Variants in RAB3IP observed in about 807,000 individuals in gnomAD.
The protein encoded by RAB3IP is rab-3A-interacting protein.
In RAB3IP, 36 loss-of-function variants were observed where a neutral mutation model predicts 59.1. That is an observed-to-expected ratio of 0.61 (90% CI 0.47 to 0.80). RAB3IP has a LOEUF of 0.80. Among genes scored for constraint, RAB3IP ranks in the 30% least tolerant of loss-of-function variants. The pLI is 0.00. For synonymous variants in RAB3IP, 207 were observed against 191.2 expected (o/e 1.08, Z -0.68); for missense variants, 511 against 536.0 (o/e 0.95, Z 0.46).
intron 4 of RAB3IP, among the ~76,000 whole-genome samples, chr12:69,789,516 A>G (rs1876263599): frequency 6.6e-6 from 1 of 152,154 alleles, no homozygotes; most frequent in Non-Finnish European, 1.5e-5. Context: ...CAACATTCAA[A>G]GAAGAATCAG....
rs1881858842 is a variant in RAB3IP, at chr12:69,822,534, G to T, written c.*7088G>T. ...TAGCAGAGGCTGGGAAGGGTAATGGGGGTTGGGGGGTGGGAGGATAAAGGG... is the reference window on the plus strand; with the variant it reads ...TAGCAGAGGCTGGGAAGGGTAATGGTGGTTGGGGGGTGGGAGGATAAAGGG... On this transcript the variant is annotated 3_prime_UTR_variant, in exon 11 of 11. Coordinates refer to ENST00000247833, the MANE Select transcript of RAB3IP (RefSeq NM_022456.5). 1 of 152,082 alleles carries T rather than the reference G, an allele frequency of 6.6e-6. No homozygotes were observed. Among genetic ancestry groups the T allele is most frequent in the African/African-American group, 2.4e-5 (1 of 41,396 alleles). 9.4% of individuals were successfully genotyped at this position (152,082 alleles called of 1,614,324 possible). A position where few individuals can be genotyped will look rare whatever the true frequency, so the allele number is the denominator to read the frequency against.
intron 1 of RAB3IP, chr12:69,739,842 T>C: frequency 6.2e-7 from 1 of 1,613,990 alleles, no homozygotes. Flanking sequence ...GAGTTGCCGG[T>C]TGTTATGGGA....
intron 1 of RAB3IP, among the ~76,000 whole-genome samples, chr12:69,745,499 G>A (rs1003891557): frequency 6.6e-6 from 1 of 151,862 alleles, no homozygotes; most frequent in Non-Finnish European, 1.5e-5. Flanking sequence ...CAAAACAGAG[G>A]AGGAAATGAT....
chr12:69,756,808 C>A, intron 3 of RAB3IP, 145 bp downstream of exon 3: 1 of 690,218 alleles, frequency 1.4e-6, no homozygotes, highest in Non-Finnish European at 2.4e-6. Context: ...TGTTAGGCAG[C>A]ATTTAGGAAT....
chr12:69,749,434 T>C (rs923984152), intron 1 of RAB3IP, among the ~76,000 whole-genome samples: 4 of 152,196 alleles, frequency 2.6e-5, no homozygotes, highest in African/African-American at 7.2e-5. Context: ...ACTGCTGTTA[T>C]GTAGTATTAT....
rs76772868 is a variant in RAB3IP at position 69,749,559 on chromosome 12, C to G, written c.-25-5825C>G. On this transcript the variant is annotated intron_variant, in intron 1 of 10. Coordinates refer to ENST00000247833, the MANE Select transcript of RAB3IP (RefSeq NM_022456.5). ...ACAGAAGTGGGATTCAAACCTGCCT[C>G]TCTTCGAGACTTGTACTTTATATTC... 1.4e-3 allele frequency among the ~76,000 whole-genome samples: 219 copies of G among 152,364 alleles called. 1 individual carries two copies. The South Asian group carries it at 0.03, about 21-fold the overall frequency.
chr12:69,754,723 C>T (rs797019930), intron 1 of RAB3IP, among the ~76,000 whole-genome samples: 39 of 152,296 alleles, frequency 2.6e-4, no homozygotes, highest in African/African-American at 8.9e-4. Flanking sequence ...TGCCTTCAAA[C>T]ATGTTGTACA....
At chr12:69,785,092 AG>A (rs1167832785) in intron 4 of RAB3IP, 1 of 215,398 alleles carries the variant, frequency 4.6e-6, no homozygotes, top group Non-Finnish European at 9.3e-6. Context: ...TATTTTACCA[AG>A]TATTTACGGG....
chr12:69,772,997 C>T (rs1474193796), intron 3 of RAB3IP, among the ~76,000 whole-genome samples: 7 of 151,986 alleles, frequency 4.6e-5, no homozygotes, highest in Non-Finnish European at 4.4e-5. Flanking sequence ...TATTGAATTC[C>T]TTCAGCTTTT....
chr12:69,739,467 A>G lies in RAB3IP; in HGVS notation c.-26+436A>G, dbSNP rs114599286. ...GCGGTCGCGAAGAGGATGAAGAGAG[A>G]GTTCCCGAACAAGTCGGAAGCAGCT... On this transcript the variant is annotated intron_variant, in intron 1 of 10. Coordinates refer to ENST00000247833, the MANE Select transcript of RAB3IP (RefSeq NM_022456.5). 6.9e-3 allele frequency: 1,447 copies of G among 210,840 alleles called. 23 individuals are homozygous for G. The highest frequency in any genetic ancestry group is 0.032 in the African/African-American group (1,357 of 42,946). The allele number at this position is 210,840 out of a possible 1,614,324, so 13.1% of individuals were successfully genotyped here. A position where few individuals can be genotyped will look rare whatever the true frequency, so the allele number is the denominator to read the frequency against.
At chr12:69,794,551 T>C (rs762705769) in intron 5 of RAB3IP, 37 bp downstream of exon 5, 3 of 1,493,218 alleles carry the variant, frequency 2.0e-6, no homozygotes, top group East Asian at 2.3e-5. Flanking sequence ...TAAAATAAAT[T>C]TGTGATAACT....
chr12:69,749,176 G>A (rs1231901317), intron 1 of RAB3IP, among the ~76,000 whole-genome samples: 2 of 152,184 alleles, frequency 1.3e-5, no homozygotes, highest in African/African-American at 4.8e-5. Flanking sequence ...GCGGACAAGC[G>A]AGCATTCCCA....
intron 3 of RAB3IP, among the ~76,000 whole-genome samples, chr12:69,773,399 C>CTTTTTTTTTTTTTTTTTTTTT (rs71437123): frequency 8.3e-5 from 4 of 48,004 alleles, no homozygotes; most frequent in Non-Finnish European, 1.5e-4. Context: ...ATTTGTCTTT[C>CTTTTTTTTTTTTTTTTTTTTT]TTTTTTTTTT....
At chr12:69,743,397 A>G (rs916949034) in intron 1 of RAB3IP, among the ~76,000 whole-genome samples, 7 of 152,202 alleles carry the variant, frequency 4.6e-5, no homozygotes, top group Admixed American at 1.3e-4. Context: ...CTTTCCTTTT[A>G]CCTAAGATAA....
chr12:69,744,332 T>C (rs986515993), intron 1 of RAB3IP, among the ~76,000 whole-genome samples: 1 of 152,146 alleles, frequency 6.6e-6, no homozygotes, highest in African/African-American at 2.4e-5. Context: ...TAATTAAATA[T>C]AATATTAGCT....
At chr12:69,808,827 T>C (rs1253673725) in intron 8 of RAB3IP, among the ~76,000 whole-genome samples, 3 of 152,002 alleles carry the variant, frequency 2.0e-5, no homozygotes, top group Non-Finnish European at 2.9e-5. Flanking sequence ...GAATACAGCA[T>C]ACTGATGGGT....
intron 3 of RAB3IP, among the ~76,000 whole-genome samples, chr12:69,762,342 T>C (rs1352244450): frequency 6.6e-6 from 1 of 152,260 alleles, no homozygotes; most frequent in Non-Finnish European, 1.5e-5. Flanking sequence ...ACTCCAGATC[T>C]GCTGAAATCA....
chr12:69,768,981 A>G (rs771115665), intron 3 of RAB3IP, among the ~76,000 whole-genome samples: 5 of 152,032 alleles, frequency 3.3e-5, no homozygotes, highest in Non-Finnish European at 5.9e-5. Context: ...GTGGGAGGTA[A>G]TTGAATCATG....
chr12:69,767,035 T>G (rs187940624), intron 3 of RAB3IP, among the ~76,000 whole-genome samples: 244 of 152,348 alleles, frequency 1.6e-3, no homozygotes, highest in African/African-American at 5.0e-3. Flanking sequence ...CTTGGTGGTG[T>G]TACTACATTT....
Sources: gnomAD v4.1 joint callset for allele counts (sites outside exome capture counted in the v4.1 genomes callset) on GRCh38, gnomAD v4.1.1 for gene constraint, MANE v1.5 for transcripts, NCBI Gene and HGNC (gene_info 2026-07-23, HGNC 2026-07-21) for gene names.